Variants in CASS4 observed in about 807,000 individuals in gnomAD.
The protein encoded by CASS4 is cas scaffolding protein family member 4.
In CASS4, 22 loss-of-function variants were observed where a neutral mutation model predicts 54.2. That is an observed-to-expected ratio of 0.41 (90% CI 0.29 to 0.58). The LOEUF is 0.58. Ranked by LOEUF, CASS4 falls within the 20% of genes least tolerant of loss-of-function variation. CASS4 has a pLI of 0.36. For missense variants in CASS4, 854 were observed against 986.7 expected (o/e 0.87, Z 1.80); for synonymous variants, 409 against 391.5 (o/e 1.04, Z -0.53).
At chr20:56,450,068 G>A (rs140548928) in intron 3 of CASS4, among the ~76,000 whole-genome samples, 83 of 149,506 alleles carry the variant, frequency 5.6e-4, no homozygotes, top group African/African-American at 2.0e-3. Flanking sequence ...TTTCGCTCCC[G>A]TTGCCCAGGC....
At chr20:56,420,162 A>C (rs1189557693) in intron 1 of CASS4, among the ~76,000 whole-genome samples, 1 of 152,200 alleles carries the variant, frequency 6.6e-6, no homozygotes, top group African/African-American at 2.4e-5. Flanking sequence ...CCACGAGTTT[A>C]TGTTAGTGAA....
At chr20:56,449,278 C>A (rs1980877339) in intron 3 of CASS4, among the ~76,000 whole-genome samples, 1 of 152,166 alleles carries the variant, frequency 6.6e-6, no homozygotes, top group African/African-American at 2.4e-5. Context: ...ACTATGCAGC[C>A]ATAAAAAACG....
At chr20:56,455,818 C>T (rs1458633080) in intron 5 of CASS4, among the ~76,000 whole-genome samples, 1 of 152,106 alleles carries the variant, frequency 6.6e-6, no homozygotes, top group Non-Finnish European at 1.5e-5. Context: ...GTAATCCCAG[C>T]TACTCGGGAG....
intron 1 of CASS4, among the ~76,000 whole-genome samples, chr20:56,432,394 G>T (rs1439943050): frequency 3.0e-5 from 4 of 134,454 alleles, no homozygotes; most frequent in African/African-American, 1.2e-4. Flanking sequence ...GAGAGACAGG[G>T]TCTCACTTCC....
chr20:56,431,435 C>T (rs1000497160), intron 1 of CASS4, among the ~76,000 whole-genome samples: 3 of 152,150 alleles, frequency 2.0e-5, no homozygotes, highest in Non-Finnish European at 2.9e-5. Flanking sequence ...TGTAATGAAA[C>T]GCCATACAGT....
At position 56,435,601 on chromosome 20, in the gene CASS4, C is replaced by T. The variant is rs1259193823; in HGVS notation, c.37-1563C>T. 2.0e-5 allele frequency among the ~76,000 whole-genome samples: 3 copies of T among 152,174 alleles called. No individual in the cohort carries two copies. The East Asian group carries it at 5.8e-4, about 29-fold the overall frequency. On this transcript the variant is annotated intron_variant, in intron 1 of 5. Transcript: ENST00000679887. ...AAGAAGGGGGCTCGGCCATCACTGC[C>T]GTGGTAACAAGGCGACTTTTTTTAG...
chr20:56,415,905 T>C (rs1190539915), intron 1 of CASS4, among the ~76,000 whole-genome samples: 2 of 152,248 alleles, frequency 1.3e-5, no homozygotes, highest in African/African-American at 4.8e-5. Flanking sequence ...AATTGTTTTA[T>C]AGAACAAGGC....
At chr20:56,453,282 C>A (rs769264148) in intron 5 of CASS4, 153 bp downstream of exon 5, 33 of 618,708 alleles carry the variant, frequency 5.3e-5, no homozygotes, top group Non-Finnish European at 7.2e-5. Context: ...AAGTAAAATT[C>A]TTGATGAAAT....
At chr20:56,431,863 G>T (rs560121575) in intron 1 of CASS4, among the ~76,000 whole-genome samples, 3 of 152,346 alleles carry the variant, frequency 2.0e-5, no homozygotes, top group Non-Finnish European at 2.9e-5. Context: ...GAATTACGAT[G>T]AAATATACCA....
chr20:56,454,738 G>A (rs532710700), intron 5 of CASS4, among the ~76,000 whole-genome samples: 2 of 152,280 alleles, frequency 1.3e-5, no homozygotes, highest in African/African-American at 4.8e-5. Context: ...AGGAACCATG[G>A]TAAGCTATAG....
At chr20:56,426,832 G>A (rs1600750526) in intron 1 of CASS4, among the ~76,000 whole-genome samples, 1 of 152,138 alleles carries the variant, frequency 6.6e-6, no homozygotes, top group African/African-American at 2.4e-5. Context: ...GCTCACCTCA[G>A]CCTCCCAAAG....
chr20:56,413,548 C>A (rs1174423263), intron 1 of CASS4, among the ~76,000 whole-genome samples: 1 of 151,806 alleles, frequency 6.6e-6, no homozygotes, highest in African/African-American at 2.4e-5. Context: ...TGGCGCATGC[C>A]CGTGATCCCA....
intron 3 of CASS4, among the ~76,000 whole-genome samples, chr20:56,447,433 C>T (rs925616301): frequency 1.3e-5 from 2 of 152,190 alleles, no homozygotes; most frequent in African/African-American, 4.8e-5. Context: ...TTCTCACTCA[C>T]TGGGTGGTCT....
In CASS4 at chr20:56,458,630, G is replaced by A. The variant is rs763867794; in HGVS notation, c.2244G>A (p.Ala748=). Residue 748 remains alanine (A), a synonymous_variant, in exon 6 of 6, where the codon GCG becomes GCA. Transcript: ENST00000679887. ...TCTGCAGCCTGCTCAAGGACGTAGC[G>A]CTGGCCACTAAGAATGCCGTGCTCA... is the stretch of plus-strand genomic sequence containing the variant. ...SHLCSLLKDV[A]LATKNAVLTY... 6.2e-6 allele frequency: 10 copies of A among 1,613,810 alleles called. No individual in the cohort carries two copies. Among genetic ancestry groups the A allele is most frequent in the Middle Eastern group, 3.3e-4 (2 of 5,978 alleles).
At chr20:56,449,198 T>C (rs1187403078) in intron 3 of CASS4, among the ~76,000 whole-genome samples, 1 of 152,168 alleles carries the variant, frequency 6.6e-6, no homozygotes, top group East Asian at 1.9e-4. Flanking sequence ...AGCAAAGACT[T>C]GGAACCAACC....
At chr20:56,422,600 AT>A (rs1346814488) in intron 1 of CASS4, among the ~76,000 whole-genome samples, 1 of 149,338 alleles carries the variant, frequency 6.7e-6, no homozygotes, top group Non-Finnish European at 1.5e-5. Flanking sequence ...TGGCTTTGGA[AT>A]TTTTTTCTGG....
At chr20:56,435,750 T>C (rs1436351289) in intron 1 of CASS4, among the ~76,000 whole-genome samples, 1 of 152,030 alleles carries the variant, frequency 6.6e-6, no homozygotes, top group East Asian at 1.9e-4. Context: ...GTTTTTCTTT[T>C]TTCTTTTGTT....
intron 5 of CASS4, 200 bp downstream of exon 5, chr20:56,453,329 G>A: frequency 2.1e-6 from 1 of 470,596 alleles, no homozygotes; most frequent in Admixed American, 3.8e-5. Context: ...GTCAGCATAG[G>A]CAGATAGGTC....
At chr20:56,416,192 G>C (rs1979126903) in intron 1 of CASS4, among the ~76,000 whole-genome samples, 1 of 152,200 alleles carries the variant, frequency 6.6e-6, no homozygotes, top group Non-Finnish European at 1.5e-5. Flanking sequence ...TGGGATTACA[G>C]GCATGTGCCA....
Sources: allele counts gnomAD v4.1 joint callset (sites outside exome capture counted in the v4.1 genomes callset), GRCh38; gene constraint gnomAD v4.1.1; transcripts MANE v1.5; gene names NCBI Gene and HGNC (gene_info 2026-07-23, HGNC 2026-07-21).